The following BCAS3 variants were observed in gnomAD, a reference collection of about 807,000 sequenced individuals.
BCAS3 encodes BCAS4/BCAS3 fusion.
BCAS3 carries 53 observed loss-of-function variants against 116.1 expected under a neutral mutation model. That is an observed-to-expected ratio of 0.46 (90% confidence interval 0.37 to 0.57). The LOEUF is 0.57. BCAS3 is among the 20% of genes least tolerant of loss of function. BCAS3 has a pLI of 0.00. For missense variants in BCAS3, 917 were observed against 1,165.4 expected (o/e 0.79, Z 3.10); for synonymous variants, 391 against 408.2 (o/e 0.96, Z 0.51).
In BCAS3 at chr17:61,377,211, A is replaced by G. The variant is rs2059377709; in HGVS notation, c.2593+8717A>G. Among the ~76,000 whole-genome samples the G allele has an allele frequency of 6.6e-6, 1 of 152,132 alleles. No individual in the cohort carries two copies. The highest frequency in any genetic ancestry group is 1.5e-5 in the Non-Finnish European group (1 of 68,016). On this transcript the variant is annotated intron_variant, in intron 23 of 23. Transcript: ENST00000407086. The surrounding 1 kb of genome is among the most constrained non-coding windows in gnomAD (Gnocchi z 4.6). ...CCTAATGCCCTGATTGCTGAGGGTG[A>G]GAGAAGAAAGTGTCCCCAGAGGCAC...
chr17:60,891,387 A>G (rs1040182482), intron 10 of BCAS3, among the ~76,000 whole-genome samples: 2 of 152,212 alleles, frequency 1.3e-5, no homozygotes, highest in Admixed American at 1.3e-4. Flanking sequence ...TCAGGAATAC[A>G]TGTTAATATC....
chr17:61,368,944 C>G lies in BCAS3; in HGVS notation c.2593+450C>G, dbSNP rs2058888974. Among the ~76,000 whole-genome samples, 2 of 152,180 alleles carry G rather than the reference C, an allele frequency of 1.3e-5. No individual in the cohort carries two copies. Among genetic ancestry groups the G allele is most frequent in the South Asian group, 4.1e-4 (2 of 4,824 alleles). The stretch of plus-strand genomic sequence containing the variant: ...GTTTCAGCCCCTACCAGCTTTTCCT[C>G]ATGCTGCCTTTGGCCTTGCATTCTT... On this transcript the variant is annotated intron_variant, in intron 23 of 23. Coordinates refer to ENST00000407086, the MANE Select transcript of BCAS3 (RefSeq NM_017679.5). This position sits in a 1 kb window ranked among gnomAD's most constrained non-coding sequence, Gnocchi z 6.0.
At chr17:61,166,765 G>A (rs1315018296) in intron 22 of BCAS3, among the ~76,000 whole-genome samples, 1 of 152,142 alleles carries the variant, frequency 6.6e-6, no homozygotes, top group Non-Finnish European at 1.5e-5. Flanking sequence ...ACAGGCTGGA[G>A]TGTAGTGGCA....
In BCAS3 at chr17:61,130,468, G is replaced by A. The variant is rs529139050; in HGVS notation, c.2425+45904G>A. Among the ~76,000 whole-genome samples, 3 of 152,078 alleles carry A rather than the reference G, an allele frequency of 2.0e-5. No individual in the cohort carries two copies. Among genetic ancestry groups the A allele is most frequent in the Admixed American group, 1.3e-4 (2 of 15,278 alleles). ...GGGACACTGCAGAAGTAACCAAATC[G>A]GTCCCACAAACATAAGCCTCTCTAA... is the stretch of plus-strand genomic sequence containing the variant. On this transcript the variant is annotated intron_variant, in intron 22 of 23. Coordinates refer to ENST00000407086, the MANE Select transcript of BCAS3 (RefSeq NM_017679.5). The surrounding 1 kb of genome is among the most constrained non-coding windows in gnomAD (Gnocchi z 5.0).
intron 14 of BCAS3, among the ~76,000 whole-genome samples, chr17:60,984,247 T>G (rs1290735805): frequency 6.6e-6 from 1 of 152,210 alleles, no homozygotes; most frequent in Non-Finnish European, 1.5e-5. Context: ...TCTTGATACA[T>G]AAGACTAAAA....
rs1340992248 is a variant in BCAS3, at chr17:61,145,336, A to G, written c.2425+60772A>G. Among the ~76,000 whole-genome samples the G allele has an allele frequency of 6.6e-6, 1 of 152,238 alleles. No individual in the cohort carries two copies. The highest frequency in any genetic ancestry group is 1.9e-4 in the East Asian group (1 of 5,190). ...GGGGCAGCAGCGGGGTCTGGCCTGC[A>G]GAAAGGAGCAGCCTGACCAAATTTA... On this transcript the variant is annotated intron_variant, in intron 22 of 23. Coordinates refer to ENST00000407086, the MANE Select transcript of BCAS3 (RefSeq NM_017679.5). This position sits in a 1 kb window ranked among gnomAD's most constrained non-coding sequence, Gnocchi z 5.0.
rs10634673 is a variant in BCAS3 at position 61,147,986 on chromosome 17, C to CA, written c.2425+63423dup. Among the ~76,000 whole-genome samples, 352 of 148,558 alleles carry CA rather than the reference C, an allele frequency of 2.4e-3. 1 individual carries two copies. Among genetic ancestry groups the CA allele is most frequent in the Middle Eastern group, 7.1e-3 (2 of 282 alleles). ...GGGAAACAAGAGTGAAACTCTGTCT[C>CA]AGAAAAAAAAAGAAAGAAAGAAATG... On this transcript the variant is annotated intron_variant, in intron 22 of 23. Transcript: ENST00000407086.
intron 22 of BCAS3, among the ~76,000 whole-genome samples, chr17:61,154,494 G>T (rs558639014): frequency 7.9e-5 from 12 of 151,276 alleles, no homozygotes; most frequent in Non-Finnish European, 1.6e-4. Flanking sequence ...GGAGTGCAGT[G>T]GGGGGATCAT....
At position 61,199,473 on chromosome 17, in the gene BCAS3, T is replaced by C. The variant is rs1315777234; in HGVS notation, c.2425+114909T>C. 6.6e-6 allele frequency among the ~76,000 whole-genome samples: 1 copy of C among 152,222 alleles called. No individual in the cohort carries two copies. Among genetic ancestry groups the C allele is most frequent in the Non-Finnish European group, 1.5e-5 (1 of 68,040 alleles). On this transcript the variant is annotated intron_variant, in intron 22 of 23. Transcript: ENST00000407086. This position sits in a 1 kb window ranked among gnomAD's most constrained non-coding sequence, Gnocchi z 4.6. ...GTAGCTATCACAACCAAATTTAGAA[T>C]GTGACACCATTGTTTAGGTGTATGT...
intron 22 of BCAS3, among the ~76,000 whole-genome samples, chr17:61,089,235 T>A (rs1288771591): frequency 1.3e-5 from 2 of 152,168 alleles, no homozygotes; most frequent in African/African-American, 4.8e-5. Flanking sequence ...CAAACTAGTT[T>A]GATTTGATTG....
intron 22 of BCAS3, among the ~76,000 whole-genome samples, chr17:61,272,330 GT>G (rs2050353377): frequency 6.6e-6 from 1 of 152,080 alleles, no homozygotes; most frequent in South Asian, 2.1e-4. Flanking sequence ...GTTTGTGAGT[GT>G]TTAAAAACAT....
chr17:60,773,205 A>G (rs1187728663), intron 6 of BCAS3, among the ~76,000 whole-genome samples: 4 of 151,772 alleles, frequency 2.6e-5, no homozygotes, highest in African/African-American at 9.7e-5. Flanking sequence ...TTCTCTAATG[A>G]CATATGATGT....
chr17:61,191,720 AGC>A (rs1206044737), intron 22 of BCAS3, among the ~76,000 whole-genome samples: 1 of 151,784 alleles, frequency 6.6e-6, no homozygotes, highest in East Asian at 1.9e-4. Flanking sequence ...GCTTGCTGTG[AGC>A]CGAGATCGCA....
In BCAS3 at chr17:61,278,445, G is replaced by C. The variant is rs930155201; in HGVS notation, c.2426-89882G>C. On this transcript the variant is annotated intron_variant, in intron 22 of 23. Transcript: ENST00000407086. This position sits in a 1 kb window ranked among gnomAD's most constrained non-coding sequence, Gnocchi z 5.8. ...CCACCTTGGCCTCCCACAGTGCTGG[G>C]TTTACAGGTGTGTGCCACCATGCCC... is the stretch of plus-strand genomic sequence containing the variant. Among the ~76,000 whole-genome samples the C allele has an allele frequency of 1.3e-5, 2 of 152,180 alleles. No individual in the cohort carries two copies. The highest frequency in any genetic ancestry group is 2.4e-5 in the African/African-American group (1 of 41,442).
rs1157773553 is a variant in BCAS3 at position 60,909,100 on chromosome 17, C to T, written c.823-1432C>T. ...ATAAAATTGAAGTATCTGAGGAAAT[C>T]TATCAACATAGTTTATGTTAAGTGC... On this transcript the variant is annotated intron_variant, in intron 11 of 23. Transcript: ENST00000407086. Among the ~76,000 whole-genome samples, 4 of 152,280 alleles carry T rather than the reference C, an allele frequency of 2.6e-5. No individual in the cohort carries two copies. The East Asian group carries it at 5.8e-4, about 22-fold the overall frequency.
chr17:61,158,675 G>T (rs1653038512), intron 22 of BCAS3, among the ~76,000 whole-genome samples: 2 of 152,104 alleles, frequency 1.3e-5, no homozygotes, highest in South Asian at 4.1e-4. Flanking sequence ...AATGATATTT[G>T]CTTAAAGGGA....
In BCAS3 at chr17:61,198,769, T is replaced by A. The variant is rs912626380; in HGVS notation, c.2425+114205T>A. Among the ~76,000 whole-genome samples, 1 of 152,224 alleles carries A rather than the reference T, an allele frequency of 6.6e-6. No individual in the cohort carries two copies. The highest frequency in any genetic ancestry group is 2.4e-5 in the African/African-American group (1 of 41,458). ...TAAGTGTAAAAATGAGACAGAGGCT[T>A]AGAGGTGTCCTCGGAATTTTAGAAC... On this transcript the variant is annotated intron_variant, in intron 22 of 23. Transcript: ENST00000407086. This position sits in a 1 kb window ranked among gnomAD's most constrained non-coding sequence, Gnocchi z 5.0.
At chr17:60,769,883 T>C (rs562314475) in intron 6 of BCAS3, among the ~76,000 whole-genome samples, 1 of 152,180 alleles carries the variant, frequency 6.6e-6, no homozygotes, top group Admixed American at 6.5e-5. Flanking sequence ...CAAGTGATTC[T>C]CCCCATTCAG....
Position 61,070,038 on chromosome 17 carries a change from A to G in BCAS3, c.2030-4882A>G, listed in dbSNP as rs762209490. ...AGCCGAAGACACTGCGACTCTGGAG[A>G]CAGCCCAAATATCCTCGGAAGAGCG... On this transcript the variant is annotated intron_variant, in intron 19 of 23. Transcript: ENST00000407086. The G allele has an allele frequency of 5.6e-6, 9 of 1,595,382 alleles. No individual in the cohort carries two copies. In the Admixed American group the frequency reaches 1.5e-4, roughly 27 times the overall value.
Sources: allele counts gnomAD v4.1 joint callset (sites outside exome capture counted in the v4.1 genomes callset), GRCh38; gene constraint gnomAD v4.1.1; non-coding constraint Gnocchi (gnomAD v3.1); transcripts MANE v1.5; gene names NCBI Gene and HGNC (gene_info 2026-07-23, HGNC 2026-07-21).